Variants in KLF15 observed in about 807,000 individuals in gnomAD.
KLF15 encodes the protein Krueppel-like factor 15.
KLF15 carries 4 observed loss-of-function variants against 24.6 expected under a neutral mutation model. The ratio of observed to expected loss-of-function variants is 0.16; its 90% CI spans 0.08 to 0.37. KLF15 has a LOEUF of 0.37. Among genes scored for constraint, KLF15 ranks in the 10% least tolerant of loss-of-function variants. KLF15 has a pLI of 1.00. For missense variants in KLF15, 496 were observed against 560.6 expected (o/e 0.88, Z 1.16); for synonymous variants, 246 against 236.3 (o/e 1.04, Z -0.37).
At chr3:126,305,366 C>T in the KLF15 span, among the ~76,000 whole-genome samples, 2 of 152,190 alleles carry the variant, frequency 1.3e-5, no homozygotes, top group Non-Finnish European at 2.9e-5. Flanking sequence ...AAGAACTCAG[C>T]TCCTTTCATG....
At chr3:126,320,916 C>A in the KLF15 span, among the ~76,000 whole-genome samples, 1 of 152,076 alleles carries the variant, frequency 6.6e-6, no homozygotes, top group Non-Finnish European at 1.5e-5. Flanking sequence ...CTTCACAACA[C>A]CCTCAGCTGC....
At chr3:126,294,864 T>TACAC in the KLF15 span, among the ~76,000 whole-genome samples, 2,432 of 141,908 alleles carry the variant, frequency 0.017, 24 homozygotes, top group African/African-American at 0.025. Flanking sequence ...TGCCCCTCCA[T>TACAC]ACACACACAC....
downstream of KLF15, among the ~76,000 whole-genome samples, chr3:126,340,007 T>A (rs1038891010): frequency 6.6e-6 from 1 of 152,166 alleles, no homozygotes; most frequent in African/African-American, 2.4e-5. Flanking sequence ...CCCACACTTA[T>A]CAGTGATGCC....
At chr3:126,322,243 C>G in the KLF15 span, among the ~76,000 whole-genome samples, 11 of 113,048 alleles carry the variant, frequency 9.7e-5, no homozygotes, top group African/African-American at 3.4e-4. Flanking sequence ...CTTAAAACAA[C>G]ACTTGGTTAT....
At chr3:126,313,085 A>G in the KLF15 span, among the ~76,000 whole-genome samples, 4 of 152,222 alleles carry the variant, frequency 2.6e-5, no homozygotes, top group Non-Finnish European at 5.9e-5. Flanking sequence ...CAGGCCATAA[A>G]GTGAAAATGA....
intron 2 of KLF15, among the ~76,000 whole-genome samples, chr3:126,345,152 G>A (rs572676734): frequency 5.9e-5 from 9 of 152,228 alleles, no homozygotes; most frequent in Middle Eastern, 3.4e-3. Flanking sequence ...AGCTCAGCTC[G>A]AATGTCACTT....
chr3:126,321,265 C>T, the KLF15 span, among the ~76,000 whole-genome samples: 1 of 152,184 alleles, frequency 6.6e-6, no homozygotes, highest in South Asian at 2.1e-4. Context: ...AAGAATCGCC[C>T]CTGAACTCTC....
At chr3:126,293,130 C>A in the KLF15 span, among the ~76,000 whole-genome samples, 1 of 131,088 alleles carries the variant, frequency 7.6e-6, no homozygotes, top group African/African-American at 2.9e-5. Context: ...GGCAACATAG[C>A]AAGACTGCAT....
Position 126,352,954 on chromosome 3 carries a change from G to A in KLF15, c.-25-7C>T. The A allele has an allele frequency of 6.4e-7, 1 of 1,570,352 alleles. No homozygotes were observed. On this transcript the variant is annotated splice_region_variant and splice_polypyrimidine_tract_variant and intron_variant, in intron 1 of 2. Coordinates refer to ENST00000296233, the MANE Select transcript of KLF15 (RefSeq NM_014079.4). ...CTGGCCGTGCCGGTGGCGGCTGCAGGAAAGGAACACAGGAGGCCTGGTCAG... is the reference window on the plus strand; with the variant it reads ...CTGGCCGTGCCGGTGGCGGCTGCAGAAAAGGAACACAGGAGGCCTGGTCAG...
At chr3:126,316,629 C>T in the KLF15 span, among the ~76,000 whole-genome samples, 1 of 121,810 alleles carries the variant, frequency 8.2e-6, no homozygotes, top group Non-Finnish European at 1.7e-5. Context: ...CAGAGTGGGG[C>T]TGGGAGTGCA....
the KLF15 span, among the ~76,000 whole-genome samples, chr3:126,331,758 C>A: frequency 1.7e-4 from 26 of 152,214 alleles, no homozygotes; most frequent in Non-Finnish European, 3.4e-4. Context: ...CCAGTGGGTG[C>A]ATGCACTGTG....
chr3:126,301,522 A>G, the KLF15 span, among the ~76,000 whole-genome samples: 1 of 151,778 alleles, frequency 6.6e-6, no homozygotes, highest in Non-Finnish European at 1.5e-5. Context: ...ACACGCCGCC[A>G]CGCACACTCT....
At chr3:126,330,464 C>A in the KLF15 span, among the ~76,000 whole-genome samples, 1 of 152,126 alleles carries the variant, frequency 6.6e-6, no homozygotes, top group Non-Finnish European at 1.5e-5. Flanking sequence ...TCATTTTCGG[C>A]CCTTCCGGAC....
At chr3:126,291,713 C>G in the KLF15 span, among the ~76,000 whole-genome samples, 1 of 152,250 alleles carries the variant, frequency 6.6e-6, no homozygotes, top group Non-Finnish European at 1.5e-5. Flanking sequence ...GTGACCAGGA[C>G]TCTGCCACCT....
chr3:126,323,476 T>C, the KLF15 span, among the ~76,000 whole-genome samples: 1 of 42,434 alleles, frequency 2.4e-5, no homozygotes, highest in African/African-American at 1.2e-4. Context: ...ATATATGTTA[T>C]ATATATATAT....
chr3:126,314,346 A>G, the KLF15 span, among the ~76,000 whole-genome samples: 4 of 152,320 alleles, frequency 2.6e-5, no homozygotes, highest in South Asian at 8.3e-4. Context: ...CCTTCCTTGC[A>G]AATGTCATTC....
At chr3:126,299,439 C>T in the KLF15 span, among the ~76,000 whole-genome samples, 1 of 151,872 alleles carries the variant, frequency 6.6e-6, no homozygotes, top group Non-Finnish European at 1.5e-5. Flanking sequence ...TCTGGTATGA[C>T]TGTTGTACTC....
At chr3:126,297,482 G>C in the KLF15 span, among the ~76,000 whole-genome samples, 1 of 151,426 alleles carries the variant, frequency 6.6e-6, no homozygotes, top group South Asian at 2.1e-4. Flanking sequence ...GTCATTTTTG[G>C]GGAACAGGTG....
intron 2 of KLF15, among the ~76,000 whole-genome samples, chr3:126,350,860 G>A (rs565447265): frequency 6.6e-5 from 10 of 152,202 alleles, no homozygotes; most frequent in Admixed American, 4.6e-4. Context: ...AGTGTGCCCC[G>A]TCTCACACAC....
Sources: allele counts gnomAD v4.1 joint callset (sites outside exome capture counted in the v4.1 genomes callset), GRCh38; gene constraint gnomAD v4.1.1; transcripts MANE v1.5; gene names NCBI Gene and HGNC (gene_info 2026-07-23, HGNC 2026-07-21).